CNR2: variants seen among roughly 807,000 people sequenced by gnomAD.
CNR2 encodes the protein cannabinoid receptor 2 (macrophage).
For missense variants in CNR2, 379 were observed against 439.9 expected, an observed-to-expected ratio of 0.86 and a Z score of 1.24; for synonymous variants, 172 against 182.2, an observed-to-expected ratio of 0.94 and a Z score of 0.45.
At chr1:23,890,306 A>C (rs1206126275) in intron 1 of CNR2, among the ~76,000 whole-genome samples, 1 of 151,242 alleles carries the variant, frequency 6.6e-6, no homozygotes, top group African/African-American at 2.4e-5. Context: ...GAAGAAAAGG[A>C]TTCTGTCCTC....
At chr1:23,897,469 C>T (rs889837601) in intron 1 of CNR2, among the ~76,000 whole-genome samples, 1 of 131,242 alleles carries the variant, frequency 7.6e-6, no homozygotes, top group Admixed American at 8.6e-5. Context: ...AATCCTATTG[C>T]ATGTTAATAG....
At chr1:23,912,091 T>C (rs1285986349) in intron 1 of CNR2, among the ~76,000 whole-genome samples, 2 of 152,172 alleles carry the variant, frequency 1.3e-5, no homozygotes, top group African/African-American at 4.8e-5. Flanking sequence ...CATCAGACAG[T>C]TGACTCGCAA....
At chr1:23,897,828 A>T (rs1640310160) in intron 1 of CNR2, among the ~76,000 whole-genome samples, 2 of 152,094 alleles carry the variant, frequency 1.3e-5, no homozygotes, top group South Asian at 2.1e-4. Context: ...GGTTTATGAG[A>T]AGGCAGCTGG....
At chr1:23,890,127 T>C (rs1557528385) in intron 1 of CNR2, among the ~76,000 whole-genome samples, 1 of 150,620 alleles carries the variant, frequency 6.6e-6, no homozygotes, top group East Asian at 2.0e-4. Context: ...CTGGGCATGG[T>C]GCATGTATGT....
intron 1 of CNR2, chr1:23,902,358 G>A (rs995602662): frequency 5.8e-5 from 91 of 1,582,002 alleles, no homozygotes; most frequent in Admixed American, 4.8e-4. Flanking sequence ...CCGGCTCTGG[G>A]ACAGCAGGAC....
intron 1 of CNR2, among the ~76,000 whole-genome samples, chr1:23,882,722 A>G (rs1272038449): frequency 6.6e-6 from 1 of 151,932 alleles, no homozygotes; most frequent in Non-Finnish European, 1.5e-5. Context: ...TGGGAGGCAG[A>G]GGCAGGAGAA....
intron 1 of CNR2, among the ~76,000 whole-genome samples, chr1:23,896,881 G>GTT (rs5773060): frequency 0.16 from 23,300 of 141,678 alleles, 2,676 homozygotes; most frequent in Admixed American, 0.27. Context: ...CACCAGGAGT[G>GTT]TTTTTTTTTT....
chr1:23,909,359 G>A (rs997734267), intron 1 of CNR2, among the ~76,000 whole-genome samples: 1 of 152,152 alleles, frequency 6.6e-6, no homozygotes, highest in Non-Finnish European at 1.5e-5. Flanking sequence ...GCTGAGACCT[G>A]ATCTTACTCT....
At position 23,870,536 on chromosome 1, in the gene CNR2, T is replaced by C. The variant is rs1399030074; in HGVS notation, c.*3999A>G. ...CACATTTTCTAGTAATCGGTTTGCATAGTGGTCTTTAATGTTACAGAGCTT... is the reference window on the plus strand; with the variant it reads ...CACATTTTCTAGTAATCGGTTTGCACAGTGGTCTTTAATGTTACAGAGCTT... On this transcript the variant is annotated 3_prime_UTR_variant, in exon 2 of 2. Coordinates refer to ENST00000374472, the MANE Select transcript of CNR2 (RefSeq NM_001841.3). 1.3e-5 allele frequency: 2 copies of C among 152,212 alleles called. No homozygotes were observed. The highest frequency in any genetic ancestry group is 2.4e-5 in the African/African-American group (1 of 41,448). 9.4% of individuals were successfully genotyped at this position (152,212 alleles called of 1,614,324 possible). A position where few individuals can be genotyped will look rare whatever the true frequency, so the allele number is the denominator to read the frequency against.
intron 1 of CNR2, among the ~76,000 whole-genome samples, chr1:23,898,738 C>T (rs1291037448): frequency 4.0e-5 from 6 of 148,726 alleles, no homozygotes; most frequent in East Asian, 2.0e-4. Flanking sequence ...CTGCAAGCTC[C>T]GCCTCCCAGG....
intron 1 of CNR2, among the ~76,000 whole-genome samples, chr1:23,876,429 C>T (rs1639875874): frequency 1.3e-5 from 2 of 151,798 alleles, no homozygotes; most frequent in Non-Finnish European, 2.9e-5. Flanking sequence ...TCTCGAACTC[C>T]TGATCTGAGG....
intron 1 of CNR2, among the ~76,000 whole-genome samples, chr1:23,898,525 T>C (rs1444897692): frequency 6.7e-6 from 1 of 149,402 alleles, no homozygotes; most frequent in Non-Finnish European, 1.5e-5. Flanking sequence ...GCATTTTTAG[T>C]AGAGACGGGG....
intron 1 of CNR2, among the ~76,000 whole-genome samples, chr1:23,887,696 A>C (rs2148463276): frequency 6.6e-6 from 1 of 152,250 alleles, no homozygotes; most frequent in Non-Finnish European, 1.5e-5. Flanking sequence ...GTGTCTGAAC[A>C]TCCAGCACAG....
At chr1:23,904,553 C>T (rs1640456804) in intron 1 of CNR2, among the ~76,000 whole-genome samples, 1 of 152,152 alleles carries the variant, frequency 6.6e-6, no homozygotes, top group African/African-American at 2.4e-5. Context: ...TTATTTGATG[C>T]TCTGTGATAT....
At chr1:23,902,661 G>C in intron 1 of CNR2, 1 of 1,595,246 alleles carries the variant, frequency 6.3e-7, no homozygotes, top group Non-Finnish European at 8.5e-7. Flanking sequence ...GGTCGCCCCC[G>C]GGGGTCCCAC....
rs550108208 is a variant in CNR2 at position 23,873,542 on chromosome 1, A to G, written c.*993T>C. 5 of 151,966 alleles carry G rather than the reference A, an allele frequency of 3.3e-5. No homozygotes were observed. The highest frequency in any genetic ancestry group is 7.4e-5 in the Non-Finnish European group (5 of 68,016). The allele number at this position is 151,966 out of a possible 1,614,324, so 9.4% of individuals were successfully genotyped here. On this transcript the variant is annotated 3_prime_UTR_variant, in exon 2 of 2. Transcript: ENST00000374472. ...TGAGCTACCATGCCTGGCCCCTGAGATCTTTAAAATCATGGAGCTATATTC... is the reference window on the plus strand; with the variant it reads ...TGAGCTACCATGCCTGGCCCCTGAGGTCTTTAAAATCATGGAGCTATATTC...
At chr1:23,885,534 T>C (rs755807771) in intron 1 of CNR2, among the ~76,000 whole-genome samples, 2 of 152,200 alleles carry the variant, frequency 1.3e-5, no homozygotes, top group Non-Finnish European at 2.9e-5. Flanking sequence ...TTATTATTCT[T>C]AGGCACATCT....
intron 1 of CNR2, among the ~76,000 whole-genome samples, chr1:23,892,646 T>TTA (rs1450271869): frequency 1.3e-5 from 2 of 152,206 alleles, no homozygotes; most frequent in Non-Finnish European, 2.9e-5. Context: ...TTATTGCTCC[T>TTA]TTTAGTGGTT....
chr1:23,900,401 C>G (rs1266125752), intron 1 of CNR2, among the ~76,000 whole-genome samples: 1 of 151,980 alleles, frequency 6.6e-6, no homozygotes, highest in Non-Finnish European at 1.5e-5. Flanking sequence ...CTTGATGAAT[C>G]GGCTCTGTCT....
Sources: gnomAD v4.1 joint callset for allele counts (sites outside exome capture counted in the v4.1 genomes callset) on GRCh38, gnomAD v4.1.1 for gene constraint, MANE v1.5 for transcripts, NCBI Gene and HGNC (gene_info 2026-07-23, HGNC 2026-07-21) for gene names.